MAP3K20: variants seen among roughly 807,000 people sequenced by gnomAD.
MAP3K20 encodes the protein mitogen-activated protein kinase kinase kinase 20, also known as HCCS-4.
In MAP3K20, 40 loss-of-function variants were observed where a neutral mutation model predicts 85.7. The ratio of observed to expected loss-of-function variants is 0.47; its 90% CI spans 0.36 to 0.61. The LOEUF (loss-of-function observed/expected upper bound fraction) is 0.61. Among genes scored for constraint, MAP3K20 ranks in the 20% least tolerant of loss-of-function variants. MAP3K20 has a pLI of 0.00. For synonymous variants in MAP3K20, 325 were observed against 327.7 expected, an observed-to-expected ratio of 0.99 and a Z score of 0.09; for missense variants, 817 against 961.7, an observed-to-expected ratio of 0.85 and a Z score of 1.99.
At chr2:173,098,178 C>T (rs936072904) in intron 2 of MAP3K20, among the ~76,000 whole-genome samples, 1 of 152,154 alleles carries the variant, frequency 6.6e-6, no homozygotes, top group Non-Finnish European at 1.5e-5. Flanking sequence ...ATTTGACAAT[C>T]GCTATTGAGT....
chr2:173,143,955 C>CA (rs1271421004), intron 2 of MAP3K20, among the ~76,000 whole-genome samples: 1 of 151,728 alleles, frequency 6.6e-6, no homozygotes, highest in Non-Finnish European at 1.5e-5. Flanking sequence ...AAAAGACATA[C>CA]AAAACCTCTA....
In MAP3K20 at chr2:173,191,058, T is replaced by C. The variant is rs1322047795; in HGVS notation, c.463T>C (p.Ser155Pro). 6.2e-7 allele frequency: 1 copy of C among 1,613,988 alleles called. No homozygotes were observed. Among genetic ancestry groups the C allele is most frequent in the Non-Finnish European group, 8.5e-7 (1 of 1,179,906 alleles). Residue 155 changes from serine to proline, a missense_variant, in exon 7 of 20, where the codon TCT (serine) becomes CCT (proline). By Grantham distance (74) the Ser-to-Pro change is moderately conservative. Coordinates refer to ENST00000375213, the MANE Select transcript of MAP3K20 (RefSeq NM_016653.3). Reference protein sequence around the residue: ...GVLKICDFGASRFHNHTTHMS... With the variant: ...GVLKICDFGAPRFHNHTTHMS... ...TTCTCAGATCTGTGACTTTGGTGCC[T>C]CTCGGTTCCATAACCATACAACACA...
At chr2:173,176,175 G>A (rs1052412252) in intron 3 of MAP3K20, among the ~76,000 whole-genome samples, 1 of 152,030 alleles carries the variant, frequency 6.6e-6, no homozygotes. Context: ...TTAATTTCAA[G>A]ATCTTTGACT....
At chr2:173,151,355 T>C (rs1471071884) in intron 2 of MAP3K20, among the ~76,000 whole-genome samples, 1 of 152,196 alleles carries the variant, frequency 6.6e-6, no homozygotes, top group Non-Finnish European at 1.5e-5. Flanking sequence ...TAAGTCAGAA[T>C]GTTAGACTTG....
intron 2 of MAP3K20, among the ~76,000 whole-genome samples, chr2:173,136,241 G>A (rs947845077): frequency 2.0e-5 from 3 of 152,186 alleles, no homozygotes; most frequent in Admixed American, 1.3e-4. Flanking sequence ...CTGATGGCAC[G>A]GAGGAATGTG....
At chr2:173,214,395 A>G (rs146259442) in intron 10 of MAP3K20, 5 of 152,322 alleles carry the variant, frequency 3.3e-5, no homozygotes, top group Admixed American at 2.6e-4. Context: ...TGAATGAGCC[A>G]TGCAGTGTTG....
chr2:173,224,310 G>A, intron 11 of MAP3K20: 1 of 985,372 alleles, frequency 1.0e-6, no homozygotes, highest in Non-Finnish European at 1.2e-6. Flanking sequence ...TAAACCTGGA[G>A]TCTCATTTAA....
rs944295295 is a variant in MAP3K20, at chr2:173,218,621, C to G, written c.987+1371C>G. Among the ~76,000 whole-genome samples, 6 of 152,172 alleles carry G rather than the reference C, an allele frequency of 3.9e-5. No homozygotes were observed. The East Asian group carries it at 1.2e-3, about 29-fold the overall frequency. ...CAAAAATGTGACCTCGTCCCTAGAG[C>G]ACAGCTTCTGAAGTCTGCGAGGTTT... On this transcript the variant is annotated intron_variant, in intron 11 of 19. Transcript: ENST00000375213.
chr2:173,248,870 T>C (rs1040894591), intron 16 of MAP3K20, among the ~76,000 whole-genome samples: 1 of 152,216 alleles, frequency 6.6e-6, no homozygotes, highest in African/African-American at 2.4e-5. Context: ...TTTAAAATAG[T>C]GATGTACATG....
At chr2:173,124,178 A>G (rs1559241095) in intron 2 of MAP3K20, among the ~76,000 whole-genome samples, 1 of 152,184 alleles carries the variant, frequency 6.6e-6, no homozygotes, top group African/African-American at 2.4e-5. Flanking sequence ...CCAAAGTTCT[A>G]TTAATATTTT....
intron 2 of MAP3K20, among the ~76,000 whole-genome samples, chr2:173,107,786 A>G (rs1687825564): frequency 6.6e-6 from 1 of 152,178 alleles, no homozygotes; most frequent in African/African-American, 2.4e-5. Flanking sequence ...GGCTATTGTG[A>G]GGACCACATG....
chr2:173,154,869 A>T (rs1689418242), intron 2 of MAP3K20, among the ~76,000 whole-genome samples: 1 of 152,222 alleles, frequency 6.6e-6, no homozygotes, highest in African/African-American at 2.4e-5. Flanking sequence ...CTTTAGCATT[A>T]CTATAGAAAT....
intron 2 of MAP3K20, among the ~76,000 whole-genome samples, chr2:173,112,367 A>T (rs766917255): frequency 2.0e-5 from 3 of 152,098 alleles, no homozygotes; most frequent in Non-Finnish European, 4.4e-5. Flanking sequence ...TGACAGTTTG[A>T]CTTCCTCTTC....
chr2:173,192,791 T>C (rs1305229064), intron 7 of MAP3K20: 2 of 152,246 alleles, frequency 1.3e-5, no homozygotes, highest in African/African-American at 4.8e-5. Context: ...GTTTATTTAC[T>C]GAGGCACACA....
At chr2:173,174,734 G>A (rs999233667) in intron 3 of MAP3K20, among the ~76,000 whole-genome samples, 6 of 152,186 alleles carry the variant, frequency 3.9e-5, no homozygotes, top group African/African-American at 1.4e-4. Context: ...TAATGGGATT[G>A]CTGGGTCAAA....
intron 2 of MAP3K20, among the ~76,000 whole-genome samples, chr2:173,096,502 G>C (rs1272614084): frequency 6.6e-6 from 1 of 151,988 alleles, no homozygotes; most frequent in Non-Finnish European, 1.5e-5. Flanking sequence ...ACCACGCCTG[G>C]GTAATTTTTT....
In MAP3K20 at chr2:173,177,590, G is replaced by A. The variant is rs1178746048; in HGVS notation, c.248-5264G>A. Reference sequence around the variant, plus strand: ...GGCCTCCCGAGTAGCCACCATGCCCGGCTAATTTTTTGTATTTTTAGTAAA... The same window carrying A: ...GGCCTCCCGAGTAGCCACCATGCCCAGCTAATTTTTTGTATTTTTAGTAAA... On this transcript the variant is annotated intron_variant, in intron 3 of 19. Coordinates refer to ENST00000375213, the MANE Select transcript of MAP3K20 (RefSeq NM_016653.3). 4.0e-5 allele frequency among the ~76,000 whole-genome samples: 6 copies of A among 151,708 alleles called. No homozygotes were observed. In the South Asian group the frequency reaches 1.0e-3, roughly 26 times the overall value.
intron 9 of MAP3K20, 95 bp from the exon 10 acceptor site, chr2:173,209,634 T>C: frequency 2.1e-6 from 2 of 965,406 alleles, no homozygotes; most frequent in Non-Finnish European, 3.1e-6. Flanking sequence ...TTATGGTGGG[T>C]TGAGTTTATT....
At chr2:173,119,349 C>T (rs1180737848) in intron 2 of MAP3K20, among the ~76,000 whole-genome samples, 2 of 152,180 alleles carry the variant, frequency 1.3e-5, no homozygotes, top group Non-Finnish European at 2.9e-5. Flanking sequence ...GAGGCTAAAG[C>T]TGGCCCACAA....
Sources: allele counts gnomAD v4.1 joint callset (sites outside exome capture counted in the v4.1 genomes callset), GRCh38; gene constraint gnomAD v4.1.1; transcripts MANE v1.5; gene names NCBI Gene and HGNC (gene_info 2026-07-23, HGNC 2026-07-21).